Variants in TET1 observed in about 807,000 individuals in gnomAD.
TET1 encodes the protein tet methylcytosine dioxygenase 1, also known as methylcytosine dioxygenase TET1.
A neutral mutation model predicts 148.7 loss-of-function variants in TET1; 13 were observed. The observed-to-expected ratio is 0.09, with a 90% CI of 0.06 to 0.14. The LOEUF (loss-of-function observed/expected upper bound fraction) is 0.14, where lower values mean the gene tolerates loss of function less well. Ranked by LOEUF, TET1 falls within the 10% of genes least tolerant of loss-of-function variation. The pLI, the probability that TET1 is intolerant of heterozygous loss-of-function variation, is 1.00. For synonymous variants in TET1, 907 were observed against 937.2 expected, an observed-to-expected ratio of 0.97 and a Z score of 0.59; for missense variants, 2,182 against 2,553.8, an observed-to-expected ratio of 0.85 and a Z score of 3.14.
chr10:68,595,959 TATAC>T (rs1463917798), intron 2 of TET1, among the ~76,000 whole-genome samples: 4,765 of 37,476 alleles, frequency 0.13, 466 homozygotes, highest in Admixed American at 0.16. Context: ...TATATATATA[TATAC>T]ACACACACAC....
intron 3 of TET1, among the ~76,000 whole-genome samples, chr10:68,629,743 G>A (rs1156814601): frequency 1.3e-5 from 2 of 151,990 alleles, no homozygotes; most frequent in East Asian, 3.9e-4. Context: ...TCACCATGTT[G>A]GCCAGGATGG....
intron 4 of TET1, among the ~76,000 whole-genome samples, chr10:68,647,610 AAAAG>A (rs61066639): frequency 0.19 from 29,102 of 151,630 alleles, 3,515 homozygotes; most frequent in African/African-American, 0.35. Flanking sequence ...TCTTAAAAAA[AAAAG>A]AAAGAAAGAA....
intron 2 of TET1, among the ~76,000 whole-genome samples, chr10:68,599,370 C>T (rs2054025374): frequency 6.6e-6 from 1 of 152,238 alleles, no homozygotes; most frequent in Non-Finnish European, 1.5e-5. Flanking sequence ...GGGACTGTGA[C>T]CGCCCTCTAC....
chr10:68,660,645 T>G (rs943130782), intron 6 of TET1, among the ~76,000 whole-genome samples: 3 of 150,978 alleles, frequency 2.0e-5, no homozygotes, highest in African/African-American at 7.3e-5. Context: ...TTTTTTTTTT[T>G]TTTACTTTTT....
chr10:68,665,060 C>T (rs1410462464), intron 6 of TET1, among the ~76,000 whole-genome samples: 5 of 152,042 alleles, frequency 3.3e-5, no homozygotes, highest in African/African-American at 7.2e-5. Flanking sequence ...GTGTGAGCTG[C>T]GGCACCCAGC....
At position 68,692,069 on chromosome 10, in the gene TET1, G is replaced by T. The variant is rs2055602399; in HGVS notation, c.*255G>T. ...ATACATAAAGAAATGTTTCAGTTAG[G>T]CATTAACCTTGATAGAATCACTCAG... is the stretch of plus-strand genomic sequence containing the variant. On this transcript the variant is annotated 3_prime_UTR_variant, in exon 12 of 12. Coordinates refer to ENST00000373644, the MANE Select transcript of TET1 (RefSeq NM_030625.3). 4.6e-6 allele frequency: 2 copies of T among 435,752 alleles called. No individual in the cohort carries two copies. The highest frequency in any genetic ancestry group is 8.1e-6 in the Non-Finnish European group (2 of 248,048). The allele number at this position is 435,752 out of a possible 1,614,324, so 27.0% of individuals were successfully genotyped here.
intron 2 of TET1, among the ~76,000 whole-genome samples, chr10:68,594,054 T>C (rs1365462696): frequency 1.4e-5 from 2 of 147,960 alleles, no homozygotes; most frequent in Non-Finnish European, 3.0e-5. Flanking sequence ...GCCTCCTGAC[T>C]AGCTGGGACT....
At chr10:68,677,206 C>G (rs1399448891) in intron 8 of TET1, among the ~76,000 whole-genome samples, 1 of 152,170 alleles carries the variant, frequency 6.6e-6, no homozygotes, top group Non-Finnish European at 1.5e-5. Context: ...CCAGAGAGTC[C>G]TTCTCCACCG....
intron 3 of TET1, among the ~76,000 whole-genome samples, chr10:68,630,935 G>C (rs886982811): frequency 6.6e-6 from 1 of 152,156 alleles, no homozygotes; most frequent in Non-Finnish European, 1.5e-5. Flanking sequence ...CCAATACTTT[G>C]GGAGGCTGAG....
chr10:68,575,877 G>C (rs560616149), intron 2 of TET1, among the ~76,000 whole-genome samples: 1 of 150,858 alleles, frequency 6.6e-6, no homozygotes, highest in South Asian at 2.1e-4. Context: ...AAAATTAGCC[G>C]GGCGTGACGG....
At chr10:68,654,122 A>AAG (rs2054984040) in intron 6 of TET1, among the ~76,000 whole-genome samples, 1 of 151,268 alleles carries the variant, frequency 6.6e-6, no homozygotes, top group Non-Finnish European at 1.5e-5. Flanking sequence ...AAAAAAAAAA[A>AAG]AAAGCATGGA....
In TET1 at chr10:68,603,867, A is replaced by G. The variant is rs114182495; in HGVS notation, c.1968+2833A>G. Among the ~76,000 whole-genome samples, 1,432 of 152,344 alleles carry G rather than the reference A, an allele frequency of 9.4e-3. 22 individuals carry two copies. The highest frequency in any genetic ancestry group is 0.033 in the African/African-American group (1,372 of 41,584). On this transcript the variant is annotated intron_variant, in intron 3 of 11. Coordinates refer to ENST00000373644, the MANE Select transcript of TET1 (RefSeq NM_030625.3). The stretch of plus-strand genomic sequence containing the variant: ...AAACTAAATAGCGATCTAAATCCTG[A>G]TTAGAGATTCTTCCTGTAGCTGAAA...
chr10:68,629,479 A>G (rs926146741), intron 3 of TET1, among the ~76,000 whole-genome samples: 2 of 152,052 alleles, frequency 1.3e-5, no homozygotes, highest in Non-Finnish European at 2.9e-5. Context: ...GCTTGTAAGT[A>G]TTTTTGAAAT....
At position 68,574,063 on chromosome 10, in the gene TET1, C is replaced by T; in HGVS notation, c.1725C>T (p.Ser575=). The change falls in exon 2 of 12, where the codon TCC becomes TCT. Residue 575 remains serine, a synonymous_variant. Transcript: ENST00000373644. ...CAATGGTCAGTACCTCCTCTTCTTC[C>T]TATACCACTTTGCTACCGACTTTGG... ...PVPMVSTSSS[S]YTTLLPTLEK... 1 of 1,614,160 alleles carries T rather than the reference C, an allele frequency of 6.2e-7. No individual in the cohort carries two copies. The highest frequency in any genetic ancestry group is 1.1e-5 in the South Asian group (1 of 91,086).
In TET1 at chr10:68,632,238, C is replaced by T. The variant is rs531345197; in HGVS notation, c.1969-12460C>T. 3.7e-5 allele frequency: 26 copies of T among 711,032 alleles called. No individual in the cohort carries two copies. In the South Asian group the frequency reaches 3.8e-4, roughly 10 times the overall value. The allele number at this position is 711,032 out of a possible 1,614,324, so 44.0% of individuals were successfully genotyped here. On this transcript the variant is annotated intron_variant, in intron 3 of 11. Coordinates refer to ENST00000373644, the MANE Select transcript of TET1 (RefSeq NM_030625.3). ...TCAGGAGGCTGAGGCAGGAGAATGG[C>T]GTGAACCCGGGAGGCGGAGCTTGCA...
chr10:68,687,203 T>C (rs1290550468), intron 11 of TET1, among the ~76,000 whole-genome samples: 1 of 133,488 alleles, frequency 7.5e-6, no homozygotes, highest in Non-Finnish European at 1.6e-5. Flanking sequence ...GCGCCCGGCC[T>C]ACTTATCCTT....
At chr10:68,682,490 C>T (rs145592797) in intron 9 of TET1, among the ~76,000 whole-genome samples, 16 of 152,260 alleles carry the variant, frequency 1.1e-4, no homozygotes, top group Non-Finnish European at 1.9e-4. Context: ...CTTCTTTTTA[C>T]GGATATTGAA....
intron 4 of TET1, among the ~76,000 whole-genome samples, chr10:68,647,456 T>C (rs2054867918): frequency 6.6e-6 from 1 of 152,040 alleles, no homozygotes; most frequent in African/African-American, 2.4e-5. Flanking sequence ...ATTCAAAAAT[T>C]AGTTGAGCAT....
At chr10:68,580,224 G>A (rs1412656920) in intron 2 of TET1, among the ~76,000 whole-genome samples, 2 of 151,132 alleles carry the variant, frequency 1.3e-5, no homozygotes, top group Admixed American at 1.3e-4. Flanking sequence ...CACTGTGCCC[G>A]GCCGAGTCTC....
Sources: gnomAD v4.1 joint callset for allele counts (sites outside exome capture counted in the v4.1 genomes callset) on GRCh38, gnomAD v4.1.1 for gene constraint, MANE v1.5 for transcripts, NCBI Gene and HGNC (gene_info 2026-07-23, HGNC 2026-07-21) for gene names.